MSRA: variants seen among roughly 807,000 people sequenced by gnomAD.
MSRA encodes the protein methionine sulfoxide reductase A, also known as mitochondrial peptide methionine sulfoxide reductase.
MSRA carries 54 observed loss-of-function variants against 31.3 expected under a neutral mutation model. The ratio of observed to expected loss-of-function variants is 1.73; its 90% CI spans 1.39 to 2.17. The LOEUF is 2.17. Among genes scored for constraint, MSRA ranks in the 30% most tolerant of loss-of-function variants. The pLI is 0.00. For missense variants in MSRA, 507 were observed against 300.9 expected (o/e 1.69, Z -5.07); for synonymous variants, 169 against 116.5 (o/e 1.45, Z -2.90).
rs145738179 is a variant in MSRA at position 10,147,580 on chromosome 8, G to A, written c.143-60253G>A. On this transcript the variant is annotated intron_variant, in intron 1 of 5. Transcript: ENST00000317173. ...ACCAACCGTGTACAGGGTAGAAGGG[G>A]TCACACAGGGCATGAGAACAGGAGG... Among the ~76,000 whole-genome samples, 22 of 152,328 alleles carry A rather than the reference G, an allele frequency of 1.4e-4. No individual in the cohort carries two copies. The East Asian group carries it at 4.1e-3, about 28-fold the overall frequency.
chr8:10,302,860 C>T (rs1000077700), intron 4 of MSRA, among the ~76,000 whole-genome samples: 5 of 152,154 alleles, frequency 3.3e-5, no homozygotes, highest in Middle Eastern at 3.4e-3. Flanking sequence ...GGGAAAGAAC[C>T]GGTAGGACAA....
intron 1 of MSRA, among the ~76,000 whole-genome samples, chr8:10,061,056 G>A (rs950659647): frequency 6.6e-6 from 1 of 152,158 alleles, no homozygotes; most frequent in African/African-American, 2.4e-5. Context: ...AGAGCTCTTT[G>A]ATTTTACAAC....
At chr8:10,350,654 A>G (rs1180852728) in intron 5 of MSRA, among the ~76,000 whole-genome samples, 1 of 152,264 alleles carries the variant, frequency 6.6e-6, no homozygotes, top group African/African-American at 2.4e-5. Context: ...GCCGGGCTTC[A>G]GGCTGAGTGG....
intron 3 of MSRA, among the ~76,000 whole-genome samples, chr8:10,264,238 T>A (rs970841168): frequency 3.3e-5 from 5 of 152,200 alleles, no homozygotes; most frequent in African/African-American, 1.2e-4. Context: ...CTGCTATCAT[T>A]GTTTTCCCCT....
At chr8:10,264,125 A>G (rs7823072) in intron 3 of MSRA, among the ~76,000 whole-genome samples, 75,482 of 152,176 alleles carry the variant, frequency 0.5, 19,367 homozygotes, top group East Asian at 0.84. Flanking sequence ...GATTACTCCA[A>G]AGCTTTGACT....
At chr8:10,380,399 A>G (rs1805994530) in intron 5 of MSRA, among the ~76,000 whole-genome samples, 1 of 152,204 alleles carries the variant, frequency 6.6e-6, no homozygotes, top group African/African-American at 2.4e-5. Context: ...GGATGGAGCC[A>G]TGGCGCTGAA....
intron 1 of MSRA, among the ~76,000 whole-genome samples, chr8:10,142,173 G>A (rs1802777464): frequency 6.6e-6 from 1 of 151,924 alleles, no homozygotes; most frequent in African/African-American, 2.4e-5. Flanking sequence ...GGTCAGGCTG[G>A]TCTGCAACTC....
At chr8:10,160,571 T>A (rs2129041780) in intron 1 of MSRA, among the ~76,000 whole-genome samples, 1 of 152,242 alleles carries the variant, frequency 6.6e-6, no homozygotes, top group Admixed American at 6.5e-5. Flanking sequence ...TTTTATTTTT[T>A]CCGTTTCATG....
chr8:10,398,473 G>C (rs1204233110), intron 5 of MSRA, among the ~76,000 whole-genome samples: 1 of 152,174 alleles, frequency 6.6e-6, no homozygotes, highest in Non-Finnish European at 1.5e-5. Context: ...TCTCCTGCAG[G>C]GGTCCCTCAG....
At chr8:10,388,896 C>G (rs1339203349) in intron 5 of MSRA, among the ~76,000 whole-genome samples, 1 of 151,828 alleles carries the variant, frequency 6.6e-6, no homozygotes, top group Non-Finnish European at 1.5e-5. Context: ...GTTGTGGCAA[C>G]TAAAGATGTC....
intron 1 of MSRA, among the ~76,000 whole-genome samples, chr8:10,170,904 C>G (rs1286202394): frequency 6.6e-6 from 1 of 152,212 alleles, no homozygotes; most frequent in Admixed American, 6.5e-5. Context: ...CCTTTGCTAT[C>G]TCAATGAATT....
At chr8:10,375,278 G>A (rs1017514061) in intron 5 of MSRA, among the ~76,000 whole-genome samples, 1 of 152,276 alleles carries the variant, frequency 6.6e-6, no homozygotes, top group East Asian at 1.9e-4. Context: ...CTGGGTAGCA[G>A]TCTGACTGAT....
chr8:10,341,007 G>C (rs1259780678), intron 5 of MSRA, among the ~76,000 whole-genome samples: 1 of 152,224 alleles, frequency 6.6e-6, no homozygotes, highest in African/African-American at 2.4e-5. Context: ...CAACTGATCA[G>C]ATCCTTAATT....
At chr8:10,227,726 A>C (rs757618347) in intron 2 of MSRA, among the ~76,000 whole-genome samples, 1 of 152,222 alleles carries the variant, frequency 6.6e-6, no homozygotes, top group African/African-American at 2.4e-5. Context: ...TTAAAGCAGC[A>C]TTAGGAATGA....
At chr8:10,272,931 G>C (rs1258493786) in intron 3 of MSRA, among the ~76,000 whole-genome samples, 1 of 152,192 alleles carries the variant, frequency 6.6e-6, no homozygotes, top group Non-Finnish European at 1.5e-5. Flanking sequence ...GCACAAGTTA[G>C]AAGGTATCAT....
intron 5 of MSRA, among the ~76,000 whole-genome samples, chr8:10,372,384 C>A (rs1198357200): frequency 1.3e-5 from 2 of 152,206 alleles, no homozygotes; most frequent in Non-Finnish European, 2.9e-5. Context: ...GAAACAGATT[C>A]CTTCTGCATG....
intron 1 of MSRA, among the ~76,000 whole-genome samples, chr8:10,090,778 T>G (rs1585125153): frequency 6.6e-6 from 1 of 152,236 alleles, no homozygotes; most frequent in African/African-American, 2.4e-5. Context: ...ATATATAGAA[T>G]CATACAATAT....
intron 1 of MSRA, 71 bp from the exon 2 acceptor site, chr8:10,207,762 A>G: frequency 2.9e-6 from 4 of 1,396,700 alleles, no homozygotes; most frequent in Non-Finnish European, 3.9e-6. Context: ...TCATTGACAC[A>G]TTTAATGACA....
intron 5 of MSRA, among the ~76,000 whole-genome samples, chr8:10,343,239 A>G (rs1013704833): frequency 2.0e-5 from 3 of 152,224 alleles, no homozygotes; most frequent in African/African-American, 7.2e-5. Context: ...AAGGGATTCC[A>G]GAATCCATGG....
Sources: gnomAD v4.1 joint callset for allele counts (sites outside exome capture counted in the v4.1 genomes callset) on GRCh38, gnomAD v4.1.1 for gene constraint, MANE v1.5 for transcripts, NCBI Gene and HGNC (gene_info 2026-07-23, HGNC 2026-07-21) for gene names.